The following LRP5 variants were observed in gnomAD, a reference collection of about 807,000 sequenced individuals.
The protein encoded by LRP5 is LDL receptor related protein 5, also known as low-density lipoprotein receptor-related protein 5.
Under a neutral mutation model 154.1 loss-of-function variants are expected in LRP5, and 62 were observed. The ratio of observed to expected loss-of-function variants is 0.40; its 90% CI spans 0.33 to 0.50. The LOEUF is 0.50. LRP5 is among the 20% of genes least tolerant of loss of function. LRP5 has a pLI of 0.55. For synonymous variants in LRP5, 966 were observed against 1,011.5 expected, an observed-to-expected ratio of 0.96 and a Z score of 0.85; for missense variants, 1,915 against 2,336.7, an observed-to-expected ratio of 0.82 and a Z score of 3.72.
intron 10 of LRP5, among the ~76,000 whole-genome samples, chr11:68,411,117 C>A (rs1466417755): frequency 6.6e-6 from 1 of 152,136 alleles, no homozygotes; most frequent in Non-Finnish European, 1.5e-5. Context: ...TCCCCAACAT[C>A]CGGCCAAGCT....
rs1238294840 is a variant in LRP5 at position 68,373,377 on chromosome 11, A to G, written c.1015+7675A>G. Among the ~76,000 whole-genome samples the G allele has an allele frequency of 2.7e-5, 4 of 147,048 alleles. No individual in the cohort carries two copies. The South Asian group carries it at 6.3e-4, about 23-fold the overall frequency. ...CACAGGCGGCCTCCTAGAGGTAGGG[A>G]TGCGTTGGTGGCGGGGGGGGCCCCG... On this transcript the variant is annotated intron_variant, in intron 5 of 22. Transcript: ENST00000294304.
chr11:68,354,424 T>C (rs906130127), intron 2 of LRP5, among the ~76,000 whole-genome samples: 2 of 152,204 alleles, frequency 1.3e-5, no homozygotes, highest in Non-Finnish European at 2.9e-5. Flanking sequence ...GCCTTTTCCA[T>C]GGGCCACGGT....
chr11:68,404,259 G>A (rs756012620), intron 8 of LRP5: 83 of 523,930 alleles, frequency 1.6e-4, no homozygotes, highest in Middle Eastern at 8.5e-4. Context: ...GCATCCAGGT[G>A]CGGCAGGGAC....
At chr11:68,361,507 G>A (rs1055841458) in intron 3 of LRP5, among the ~76,000 whole-genome samples, 6 of 151,330 alleles carry the variant, frequency 4.0e-5, no homozygotes, top group Non-Finnish European at 7.4e-5. Context: ...CGTGGTGGCC[G>A]GTGACTATAG....
intron 7 of LRP5, among the ~76,000 whole-genome samples, chr11:68,402,296 C>T (rs1311664598): frequency 6.6e-6 from 1 of 152,208 alleles, no homozygotes; most frequent in Non-Finnish European, 1.5e-5. Context: ...TCTCACGCGG[C>T]TGTATGCTTC....
At chr11:68,403,735 T>G (rs764357001) in intron 8 of LRP5, 36 bp downstream of exon 8, 1 of 1,610,776 alleles carries the variant, frequency 6.2e-7, no homozygotes. Flanking sequence ...GGCTCAGCCA[T>G]GCAGACTTGC....
chr11:68,351,690 G>A (rs569987908), intron 2 of LRP5, among the ~76,000 whole-genome samples: 39 of 152,348 alleles, frequency 2.6e-4, no homozygotes, highest in Non-Finnish European at 4.6e-4. Flanking sequence ...CCCACGCAGC[G>A]GGTATAGCCC....
At chr11:68,389,248 C>T (rs2098644862) in intron 6 of LRP5, among the ~76,000 whole-genome samples, 1 of 152,182 alleles carries the variant, frequency 6.6e-6, no homozygotes. Flanking sequence ...CAGCATCTAC[C>T]AACACCGACA....
chr11:68,386,722 G>A lies in LRP5; in HGVS notation c.1412+10G>A. The A allele has an allele frequency of 6.2e-7, 1 of 1,610,136 alleles. No homozygotes were observed. Among genetic ancestry groups the A allele is most frequent in the Non-Finnish European group, 8.5e-7 (1 of 1,178,384 alleles). On this transcript the variant is annotated intron_variant, in intron 6 of 22. Transcript: ENST00000294304. This position sits in a 1 kb window ranked among gnomAD's most constrained non-coding sequence, Gnocchi z 7.9. ...TGCACCCCGTGATGGGGTAAGACGG[G>A]CGGGGGCTGGGGCCTGGAGCCAGGG... is the stretch of plus-strand genomic sequence containing the variant.
chr11:68,446,600 TC>T, intron 22 of LRP5, 67 bp downstream of exon 22: 1 of 1,343,440 alleles, frequency 7.4e-7, no homozygotes, highest in Non-Finnish European at 1.1e-6. Flanking sequence ...AGGGGCCTAA[TC>T]CCCATGCCAC....
At chr11:68,320,390 CA>C (rs1421985848) in intron 1 of LRP5, among the ~76,000 whole-genome samples, 1 of 151,858 alleles carries the variant, frequency 6.6e-6, no homozygotes, top group East Asian at 1.9e-4. Flanking sequence ...TACTTTTCTG[CA>C]AATTGCCTAC....
intron 1 of LRP5, among the ~76,000 whole-genome samples, chr11:68,321,442 G>A (rs560405989): frequency 2.0e-5 from 3 of 152,250 alleles, no homozygotes; most frequent in South Asian, 2.1e-4. Context: ...ATCTGGGGAC[G>A]GTAAATGGTG....
chr11:68,392,860 G>A (rs1005638343), intron 7 of LRP5, among the ~76,000 whole-genome samples: 1 of 152,104 alleles, frequency 6.6e-6, no homozygotes, highest in Non-Finnish European at 1.5e-5. Flanking sequence ...GGTGCAGTGG[G>A]TTAGGCCTGT....
rs189572489 is a variant in LRP5, at chr11:68,355,266, A to T, written c.489-2384A>T. On this transcript the variant is annotated intron_variant, in intron 2 of 22. Coordinates refer to ENST00000294304, the MANE Select transcript of LRP5 (RefSeq NM_002335.4). ...CTCCCTGTGTCCCGGGATCACTCTC[A>T]TGCCTGGCTTGGGCGAGCTGCCTGT... is the stretch of plus-strand genomic sequence containing the variant. 5.5e-4 allele frequency among the ~76,000 whole-genome samples: 83 copies of T among 152,272 alleles called. 1 individual carries two copies. Among genetic ancestry groups the T allele is most frequent in the African/African-American group, 1.9e-3 (80 of 41,550 alleles).
chr11:68,385,832 A>G (rs920555545), intron 5 of LRP5, among the ~76,000 whole-genome samples: 1 of 151,824 alleles, frequency 6.6e-6, no homozygotes, highest in Non-Finnish European at 1.5e-5. Flanking sequence ...GGAGCGATGA[A>G]GTGGCGTCGA....
chr11:68,318,960 C>T (rs1049613822), intron 1 of LRP5, among the ~76,000 whole-genome samples: 13 of 152,184 alleles, frequency 8.5e-5, no homozygotes, highest in Admixed American at 1.3e-4. Flanking sequence ...CGGAGCTTCA[C>T]GTTTTTTCTC....
chr11:68,326,833 G>A (rs900287644), intron 1 of LRP5, among the ~76,000 whole-genome samples: 1 of 152,226 alleles, frequency 6.6e-6, no homozygotes, highest in Non-Finnish European at 1.5e-5. Flanking sequence ...CATATGGGAA[G>A]CCTTCATGGT....
chr11:68,387,011 C>T (rs2098643434), intron 6 of LRP5, among the ~76,000 whole-genome samples: 2 of 152,220 alleles, frequency 1.3e-5, no homozygotes, highest in South Asian at 4.1e-4. Context: ...TCAGTTTCCT[C>T]ATCTGTAGAA....
At chr11:68,392,448 G>C (rs945152184) in intron 7 of LRP5, among the ~76,000 whole-genome samples, 1 of 152,118 alleles carries the variant, frequency 6.6e-6, no homozygotes, top group Non-Finnish European at 1.5e-5. Flanking sequence ...AGGTTGCAGT[G>C]ATCTGAGATC....
Sources: allele counts gnomAD v4.1 joint callset (sites outside exome capture counted in the v4.1 genomes callset), GRCh38; gene constraint gnomAD v4.1.1; non-coding constraint Gnocchi (gnomAD v3.1); transcripts MANE v1.5; gene names NCBI Gene and HGNC (gene_info 2026-07-23, HGNC 2026-07-21).